Variants in REXO5 observed in about 807,000 individuals in gnomAD.
REXO5 encodes exonuclease NEF-sp.
A neutral mutation model predicts 88.5 loss-of-function variants in REXO5; 48 were observed. That is an observed-to-expected ratio of 0.54 (90% CI 0.43 to 0.69). The LOEUF (loss-of-function observed/expected upper bound fraction) is 0.69. Ranked by LOEUF, REXO5 falls within the 30% of genes least tolerant of loss-of-function variation. The pLI is 0.00. For missense variants in REXO5, 749 were observed against 912.2 expected, an observed-to-expected ratio of 0.82 and a Z score of 2.30; for synonymous variants, 311 against 336.5, an observed-to-expected ratio of 0.92 and a Z score of 0.83.
intron 3 of REXO5, 105 bp from the exon 4 acceptor site, chr16:20,814,822 C>T (rs2081056196): frequency 1.3e-5 from 15 of 1,136,228 alleles, no homozygotes; most frequent in Non-Finnish European, 1.7e-5. Flanking sequence ...TCTATTAACT[C>T]TCACTCACTG....
intron 2 of REXO5, 54 bp from the exon 3 acceptor site, chr16:20,813,136 T>C (rs2081025710): frequency 8.7e-7 from 1 of 1,150,672 alleles, no homozygotes; most frequent in African/African-American, 1.5e-5. Context: ...ACTTGCTTTG[T>C]TGGTATTCTT....
At position 20,806,690 on chromosome 16, in the gene REXO5, A is replaced by G; in HGVS notation, c.-18A>G. On this transcript the variant is annotated 5_prime_UTR_variant, in exon 1 of 20. Transcript: ENST00000261377. Reference sequence around the variant, plus strand: ...CAGACGCCCGTTGTAGCCGTTGGGGAACCGTTGAGAATCCGGTAACCGATG... The same window carrying G: ...CAGACGCCCGTTGTAGCCGTTGGGGGACCGTTGAGAATCCGGTAACCGATG... The G allele has an allele frequency of 9.7e-7, 1 of 1,035,400 alleles. No individual in the cohort carries two copies. The allele number at this position is 1,035,400 out of a possible 1,614,324, so 64.1% of individuals were successfully genotyped here.
chr16:20,842,672 C>G (rs553385680), intron 15 of REXO5, among the ~76,000 whole-genome samples: 1 of 152,146 alleles, frequency 6.6e-6, no homozygotes, highest in African/African-American at 2.4e-5. Context: ...CCAGGCTGAT[C>G]TTGAACTCCT....
chr16:20,832,930 G>C (rs1452818838), intron 12 of REXO5, 73 bp from the exon 13 acceptor site: 1 of 1,410,574 alleles, frequency 7.1e-7, no homozygotes, highest in Non-Finnish European at 9.8e-7. Context: ...ATTGTATAAT[G>C]CAAGTATAGA....
At chr16:20,829,446 C>T (rs1411635303) in intron 11 of REXO5, among the ~76,000 whole-genome samples, 1 of 152,134 alleles carries the variant, frequency 6.6e-6, no homozygotes, top group Non-Finnish European at 1.5e-5. Flanking sequence ...CTCTGACAAA[C>T]TTTATTATAA....
At chr16:20,807,772 A>G (rs530365974) in intron 2 of REXO5, among the ~76,000 whole-genome samples, 1 of 151,970 alleles carries the variant, frequency 6.6e-6, no homozygotes, top group Non-Finnish European at 1.5e-5. Flanking sequence ...ACAAAAAAAA[A>G]ACTGCCTGTA....
chr16:20,812,276 C>A (rs1002207079), intron 2 of REXO5, among the ~76,000 whole-genome samples: 1 of 152,162 alleles, frequency 6.6e-6, no homozygotes, highest in Non-Finnish European at 1.5e-5. Context: ...AATCCCAGCA[C>A]TTTGGGAGGC....
intron 5 of REXO5, among the ~76,000 whole-genome samples, chr16:20,817,678 T>C (rs1036370326): frequency 2.2e-4 from 33 of 152,206 alleles, no homozygotes; most frequent in African/African-American, 6.5e-4. Context: ...TCCTCCTAAG[T>C]ATTTCACTTC....
chr16:20,811,408 C>A (rs2152499635), intron 2 of REXO5, among the ~76,000 whole-genome samples: 1 of 152,238 alleles, frequency 6.6e-6, no homozygotes, highest in Non-Finnish European at 1.5e-5. Context: ...ATTTAAAAAA[C>A]CAGTGTTATC....
Position 20,840,469 on chromosome 16 carries a change from G to C in REXO5, c.1626+1G>C. 5.2e-6 allele frequency: 8 copies of C among 1,543,946 alleles called. No homozygotes were observed. Among genetic ancestry groups the C allele is most frequent in the South Asian group, 1.2e-5 (1 of 80,166 alleles). ...GACTTTTGTTCTTGAAACCCGTCAGGTAAGACCGGAAAATTCAGATTTCAT... is the reference window on the plus strand; with the variant it reads ...GACTTTTGTTCTTGAAACCCGTCAGCTAAGACCGGAAAATTCAGATTTCAT... On this transcript the variant is annotated splice_donor_variant, in intron 15 of 19. Transcript: ENST00000261377. LOFTEE classifies it high-confidence loss of function.
chr16:20,817,053 CAG>C (rs774011233), intron 5 of REXO5, among the ~76,000 whole-genome samples: 7 of 152,106 alleles, frequency 4.6e-5, no homozygotes, highest in Non-Finnish European at 1.0e-4. Context: ...TAGGACTTAT[CAG>C]AGTTAGTTGC....
chr16:20,841,338 A>G (rs1447523032), intron 15 of REXO5, among the ~76,000 whole-genome samples: 2 of 152,220 alleles, frequency 1.3e-5, no homozygotes, highest in African/African-American at 4.8e-5. Context: ...AAATCATGAA[A>G]AGAAAAATGG....
At chr16:20,809,912 T>C (rs1013138562) in intron 2 of REXO5, among the ~76,000 whole-genome samples, 1 of 152,244 alleles carries the variant, frequency 6.6e-6, no homozygotes, top group African/African-American at 2.4e-5. Flanking sequence ...GCATTTACTT[T>C]TTTATCAGTA....
chr16:20,828,284 A>G (rs781554865), intron 10 of REXO5, 151 bp from the exon 11 acceptor site: 6 of 561,488 alleles, frequency 1.1e-5, no homozygotes, highest in Non-Finnish European at 1.9e-5. Flanking sequence ...GGGCTGGGCA[A>G]TTAGCTGGAA....
In REXO5 at chr16:20,845,260, C is replaced by A; in HGVS notation, c.2124+19C>A. Reference sequence around the variant, plus strand: ...CTTGCAGGTGAGTGAGTGAAGGCGTCTTGGAGAAGATGTCAGGAGAGTCCT... The same window carrying A: ...CTTGCAGGTGAGTGAGTGAAGGCGTATTGGAGAAGATGTCAGGAGAGTCCT... On this transcript the variant is annotated intron_variant, in intron 18 of 19. Transcript: ENST00000261377. 6.2e-7 allele frequency: 1 copy of A among 1,604,444 alleles called. No individual in the cohort carries two copies. The highest frequency in any genetic ancestry group is 2.2e-5 in the East Asian group (1 of 44,664).
At chr16:20,842,478 G>GTTTTT (rs201370873) in intron 15 of REXO5, among the ~76,000 whole-genome samples, 2 of 133,076 alleles carry the variant, frequency 1.5e-5, no homozygotes, top group African/African-American at 2.7e-5. Context: ...CCTTTGTTTT[G>GTTTTT]TTTGTTTTTT....
Position 20,806,544 on chromosome 16 carries a change from C to A in REXO5, c.-164C>A, listed in dbSNP as rs1225779270. The A allele has an allele frequency of 6.6e-7, 1 of 1,520,752 alleles. No individual in the cohort carries two copies. The allele number at this position is 1,520,752 out of a possible 1,614,324, so 94.2% of individuals were successfully genotyped here. On this transcript the variant is annotated 5_prime_UTR_variant, in exon 1 of 20. Coordinates refer to ENST00000261377, the MANE Select transcript of REXO5 (RefSeq NM_030941.3). The stretch of plus-strand genomic sequence containing the variant: ...GGGCGGTTGTTGTTGGCAGCTGTGG[C>A]TAAGGAGGGGAGAACCTCTGCTCCC...
At chr16:20,809,320 AC>A (rs1317324927) in intron 2 of REXO5, among the ~76,000 whole-genome samples, 1 of 152,234 alleles carries the variant, frequency 6.6e-6, no homozygotes, top group Non-Finnish European at 1.5e-5. Flanking sequence ...ATTGGAAATT[AC>A]CATGGATATA....
intron 18 of REXO5, among the ~76,000 whole-genome samples, chr16:20,845,962 G>A (rs1330559014): frequency 1.3e-5 from 2 of 152,168 alleles, no homozygotes; most frequent in African/African-American, 4.8e-5. Context: ...GGCTCCCCTA[G>A]CTTGGGGTCT....
Sources: allele counts gnomAD v4.1 joint callset (sites outside exome capture counted in the v4.1 genomes callset), GRCh38; gene constraint gnomAD v4.1.1; transcripts MANE v1.5; gene names NCBI Gene and HGNC (gene_info 2026-07-23, HGNC 2026-07-21).